Variants in SNTG1 observed in about 807,000 individuals in gnomAD.
SNTG1 encodes syntrophin gamma 1.
A neutral mutation model predicts 74.7 loss-of-function variants in SNTG1; 39 were observed. The ratio of observed to expected loss-of-function variants is 0.52; its 90% CI spans 0.40 to 0.68. The LOEUF is 0.68. Ranked by LOEUF, SNTG1 falls within the 30% of genes least tolerant of loss-of-function variation. SNTG1 has a pLI of 0.00. For synonymous variants in SNTG1, 254 were observed against 217.1 expected (o/e 1.17, Z -1.49); for missense variants, 685 against 609.5 (o/e 1.12, Z -1.30).
chr8:50,510,414 A>G (rs531974428), intron 9 of SNTG1, among the ~76,000 whole-genome samples: 2 of 152,262 alleles, frequency 1.3e-5, no homozygotes, highest in South Asian at 4.1e-4. Context: ...TGTTATCAGG[A>G]TGATGCTGGC....
intron 4 of SNTG1, among the ~76,000 whole-genome samples, chr8:50,415,584 T>A (rs2093003992): frequency 6.6e-6 from 1 of 152,102 alleles, no homozygotes; most frequent in Non-Finnish European, 1.5e-5. Flanking sequence ...GTAGCACAAG[T>A]AGTTTTAGTT....
intron 1 of SNTG1, among the ~76,000 whole-genome samples, chr8:49,956,862 T>G (rs943069364): frequency 6.6e-6 from 1 of 152,152 alleles, no homozygotes; most frequent in Admixed American, 6.5e-5. Flanking sequence ...TCTCTCTTTT[T>G]TAAAGATTTT....
At chr8:49,977,438 C>G (rs1812298028) in intron 1 of SNTG1, among the ~76,000 whole-genome samples, 1 of 152,118 alleles carries the variant, frequency 6.6e-6, no homozygotes, top group Non-Finnish European at 1.5e-5. Flanking sequence ...TGCAAGGTCA[C>G]CTCCATCTCT....
chr8:50,634,887 A>G (rs552472760), intron 13 of SNTG1, among the ~76,000 whole-genome samples: 1 of 152,136 alleles, frequency 6.6e-6, no homozygotes, highest in African/African-American at 2.4e-5. Context: ...CATTTCTACA[A>G]TTTGGTCATT....
intron 1 of SNTG1, among the ~76,000 whole-genome samples, chr8:50,032,495 T>C (rs1289554501): frequency 6.6e-6 from 1 of 152,090 alleles, no homozygotes; most frequent in Non-Finnish European, 1.5e-5. Context: ...TTTTTTGTGG[T>C]TCTTTGGCTA....
At chr8:49,997,448 G>A (rs534396164) in intron 1 of SNTG1, among the ~76,000 whole-genome samples, 6 of 152,034 alleles carry the variant, frequency 3.9e-5, no homozygotes, top group Admixed American at 6.6e-5. Context: ...TTAACTCAGA[G>A]GAGTCATGTA....
chr8:50,142,362 CAAAG>C (rs1325663551), intron 1 of SNTG1, among the ~76,000 whole-genome samples: 1 of 151,550 alleles, frequency 6.6e-6, no homozygotes, highest in Non-Finnish European at 1.5e-5. Flanking sequence ...GAGCTATAAA[CAAAG>C]AAAAGTGAGG....
intron 1 of SNTG1, among the ~76,000 whole-genome samples, chr8:50,008,552 C>A (rs994760513): frequency 4.0e-5 from 6 of 151,838 alleles, no homozygotes; most frequent in African/African-American, 2.4e-5. Flanking sequence ...ATGGATGGAT[C>A]AATGGACAAG....
chr8:49,935,682 T>A (rs924107674), intron 1 of SNTG1, among the ~76,000 whole-genome samples: 5 of 152,116 alleles, frequency 3.3e-5, no homozygotes, highest in African/African-American at 1.2e-4. Flanking sequence ...AGCCAGGACA[T>A]CTCTCCTGTG....
intron 2 of SNTG1, among the ~76,000 whole-genome samples, chr8:50,252,065 A>G (rs150672443): frequency 4.5e-4 from 68 of 152,240 alleles, no homozygotes; most frequent in African/African-American, 1.5e-3. Flanking sequence ...GACTTCAAAA[A>G]CCTTACAAAT....
At chr8:50,628,096 A>G (rs993233660) in intron 13 of SNTG1, among the ~76,000 whole-genome samples, 1 of 152,202 alleles carries the variant, frequency 6.6e-6, no homozygotes, top group African/African-American at 2.4e-5. Context: ...GGAAACAAAG[A>G]TCAAATATGT....
intron 17 of SNTG1, among the ~76,000 whole-genome samples, chr8:50,721,543 TAA>T (rs2095487695): frequency 6.6e-6 from 1 of 152,228 alleles, no homozygotes; most frequent in South Asian, 2.1e-4. Context: ...AATGGGACTC[TAA>T]GTCTTTCCTC....
At chr8:50,198,158 A>G (rs540156129) in intron 2 of SNTG1, among the ~76,000 whole-genome samples, 50 of 152,246 alleles carry the variant, frequency 3.3e-4, no homozygotes, top group African/African-American at 1.2e-3. Context: ...GCCCCTCAGC[A>G]GGTGCATCCT....
At chr8:50,112,761 G>A (rs778641725) in intron 1 of SNTG1, among the ~76,000 whole-genome samples, 48 of 151,864 alleles carry the variant, frequency 3.2e-4, no homozygotes, top group Admixed American at 5.2e-4. Flanking sequence ...CACCTGCTTC[G>A]GCCTCCTAAA....
At chr8:50,662,798 C>T (rs534756621) in intron 15 of SNTG1, among the ~76,000 whole-genome samples, 3 of 151,294 alleles carry the variant, frequency 2.0e-5, no homozygotes, top group Non-Finnish European at 4.4e-5. Context: ...AACTTCAGTT[C>T]TTCATCTGTG....
At position 49,981,108 on chromosome 8, in the gene SNTG1, T is replaced by C. The variant is rs576310763; in HGVS notation, c.-103+68877T>C. On this transcript the variant is annotated intron_variant, in intron 1 of 18. Transcript: ENST00000642720. ...ACTAGGTTCCTGATAAACATTGAAT[T>C]GAATCTCCTGGCAGGCCAGGGTATT... 2.0e-3 allele frequency among the ~76,000 whole-genome samples: 302 copies of C among 152,292 alleles called. 4 individuals are homozygous for C. The highest frequency in any genetic ancestry group is 7.0e-3 in the African/African-American group (289 of 41,552).
chr8:50,209,878 TGTTGA>T (rs925671190), intron 2 of SNTG1, among the ~76,000 whole-genome samples: 2 of 151,914 alleles, frequency 1.3e-5, no homozygotes, highest in Non-Finnish European at 2.9e-5. Flanking sequence ...AGAATGACTT[TGTTGA>T]GTTGAGAGAA....
At chr8:50,792,083 T>A (rs978944433) in intron 18 of SNTG1, among the ~76,000 whole-genome samples, 2 of 150,734 alleles carry the variant, frequency 1.3e-5, no homozygotes, top group African/African-American at 4.9e-5. Flanking sequence ...CTAGTTTATT[T>A]TTTTTTTTTT....
intron 12 of SNTG1, among the ~76,000 whole-genome samples, chr8:50,561,430 A>G: frequency 6.6e-6 from 1 of 152,166 alleles, no homozygotes; most frequent in East Asian, 1.9e-4. Flanking sequence ...AACCAGAAAA[A>G]AGGAAAAAAT....
Sources: gnomAD v4.1 joint callset for allele counts (sites outside exome capture counted in the v4.1 genomes callset) on GRCh38, gnomAD v4.1.1 for gene constraint, MANE v1.5 for transcripts, NCBI Gene and HGNC (gene_info 2026-07-23, HGNC 2026-07-21) for gene names.